Variants in EREG observed in about 807,000 individuals in gnomAD.
EREG encodes the protein epiregulin, also known as proepiregulin.
EREG carries 23 observed loss-of-function variants against 22.4 expected under a neutral mutation model. The observed-to-expected ratio is 1.03, with a 90% CI of 0.74 to 1.46. EREG has a LOEUF of 1.46. Ranked by LOEUF, EREG falls within the 40% of genes most tolerant of loss-of-function variation. The probability of loss-of-function intolerance (pLI) is 0.00; values close to 1 mark genes in which losing one functional copy is unlikely to be tolerated. For synonymous variants in EREG, 100 were observed against 75.4 expected, an observed-to-expected ratio of 1.33 and a Z score of -1.69; for missense variants, 226 against 205.9, an observed-to-expected ratio of 1.10 and a Z score of -0.60.
chr4:74,365,514 G>C, intron 1 of EREG, 139 bp downstream of exon 1: 1 of 327,450 alleles, frequency 3.1e-6, no homozygotes, highest in Non-Finnish European at 5.7e-6. Flanking sequence ...CTTGTTTTGT[G>C]AGTCTGTCTT....
At chr4:74,368,042 A>G (rs1305500707) in intron 1 of EREG, among the ~76,000 whole-genome samples, 3 of 152,224 alleles carry the variant, frequency 2.0e-5, no homozygotes, top group African/African-American at 7.2e-5. Context: ...AGACTCAGAG[A>G]TAGTAAATGG....
chr4:74,367,762 A>G (rs939430497), intron 1 of EREG, among the ~76,000 whole-genome samples: 2 of 152,188 alleles, frequency 1.3e-5, no homozygotes, highest in Admixed American at 6.5e-5. Context: ...AGAAAACGTG[A>G]TGACAGGCCT....
intron 1 of EREG, among the ~76,000 whole-genome samples, chr4:74,378,732 A>G (rs1443919591): frequency 1.3e-5 from 2 of 152,208 alleles, no homozygotes; most frequent in Non-Finnish European, 2.9e-5. Context: ...TTCCTACACA[A>G]TTCAGAAAGT....
chr4:74,379,609 A>T, intron 2 of EREG, 75 bp downstream of exon 2: 2 of 875,110 alleles, frequency 2.3e-6, no homozygotes, highest in Non-Finnish European at 3.8e-6. Flanking sequence ...AAAGACTATA[A>T]GTATGTGATA....
chr4:74,375,485 ATT>A (rs34399498), intron 1 of EREG, among the ~76,000 whole-genome samples: 5,291 of 133,124 alleles, frequency 0.04, 269 homozygotes, highest in African/African-American at 0.12. Flanking sequence ...TGCCTGGCTA[ATT>A]TTTTTTTTTT....
chr4:74,368,427 C>T (rs1752227166), intron 1 of EREG, among the ~76,000 whole-genome samples: 1 of 151,990 alleles, frequency 6.6e-6, no homozygotes, highest in Admixed American at 6.6e-5. Flanking sequence ...AAGAGGGTAA[C>T]TTATGTCTGT....
intron 3 of EREG, 62 bp downstream of exon 3, chr4:74,381,199 C>G: frequency 3.4e-6 from 5 of 1,460,854 alleles, no homozygotes; most frequent in Non-Finnish European, 3.8e-6. Context: ...TTTAGGGGTA[C>G]AAGTGCAGAT....
chr4:74,371,242 T>C (rs941775556), intron 1 of EREG, among the ~76,000 whole-genome samples: 6 of 152,150 alleles, frequency 3.9e-5, no homozygotes, highest in Non-Finnish European at 8.8e-5. Context: ...ACTTCACAGT[T>C]TGGAAAATTA....
At chr4:74,374,416 T>A (rs1044883008) in intron 1 of EREG, among the ~76,000 whole-genome samples, 2 of 152,142 alleles carry the variant, frequency 1.3e-5, no homozygotes, top group Non-Finnish European at 2.9e-5. Flanking sequence ...CTCAAGCCTG[T>A]AATCCTAGCA....
At chr4:74,384,358 G>T (rs1295488646) in intron 4 of EREG, among the ~76,000 whole-genome samples, 6 of 152,094 alleles carry the variant, frequency 3.9e-5, no homozygotes, top group Admixed American at 1.3e-4. Flanking sequence ...AATGTAGCAT[G>T]ATTTGTAAAT....
At chr4:74,373,991 G>A (rs1752338181) in intron 1 of EREG, among the ~76,000 whole-genome samples, 1 of 152,092 alleles carries the variant, frequency 6.6e-6, no homozygotes, top group Non-Finnish European at 1.5e-5. Flanking sequence ...TTACGTTATA[G>A]ACAAATTCTA....
At chr4:74,368,826 A>T (rs1394318503) in intron 1 of EREG, among the ~76,000 whole-genome samples, 1 of 152,166 alleles carries the variant, frequency 6.6e-6, no homozygotes, top group African/African-American at 2.4e-5. Flanking sequence ...GACAATGAGA[A>T]CACTTCCCAG....
At chr4:74,370,015 G>A (rs555274907) in intron 1 of EREG, among the ~76,000 whole-genome samples, 60 of 152,076 alleles carry the variant, frequency 3.9e-4, no homozygotes, top group Non-Finnish European at 6.0e-4. Flanking sequence ...TATTGTTCCC[G>A]TTTTACAAAT....
At chr4:74,374,533 G>A (rs1471844845) in intron 1 of EREG, among the ~76,000 whole-genome samples, 2 of 152,056 alleles carry the variant, frequency 1.3e-5, no homozygotes, top group East Asian at 1.9e-4. Flanking sequence ...TAAGAGCCTC[G>A]AAAAACAAAA....
rs140712325 is a variant in EREG, at chr4:74,383,212, G to C, written c.428+418G>C. 1.4e-3 allele frequency among the ~76,000 whole-genome samples: 214 copies of C among 152,198 alleles called. 3 individuals are homozygous for C. The East Asian group carries it at 0.036, about 25-fold the overall frequency. On this transcript the variant is annotated intron_variant, in intron 4 of 4. Transcript: ENST00000244869. ...GGACAGAAATTATTATCTTACATTA[G>C]TTATAGGGTGGTTGCTTTTAGTATG...
At chr4:74,368,196 T>A (rs1454705956) in intron 1 of EREG, among the ~76,000 whole-genome samples, 1 of 152,188 alleles carries the variant, frequency 6.6e-6, no homozygotes, top group African/African-American at 2.4e-5. Flanking sequence ...GCACAGCACA[T>A]GTACAAATGG....
chr4:74,374,440 A>G (rs1752343995), intron 1 of EREG, among the ~76,000 whole-genome samples: 1 of 152,148 alleles, frequency 6.6e-6, no homozygotes, highest in African/African-American at 2.4e-5. Context: ...TTGGAGGCCA[A>G]CATGGGAGGA....
intron 1 of EREG, 68 bp downstream of exon 1, chr4:74,365,443 T>G: frequency 6.9e-7 from 1 of 1,446,006 alleles, no homozygotes; most frequent in South Asian, 1.2e-5. Context: ...TCCTGTGCAT[T>G]TGTCATTCGA....
Position 74,377,353 on chromosome 4 carries a change from C to A in EREG, c.68-2095C>A, listed in dbSNP as rs368904442. Among the ~76,000 whole-genome samples, 18 of 152,248 alleles carry A rather than the reference C, an allele frequency of 1.2e-4. No individual in the cohort carries two copies. The East Asian group carries it at 3.3e-3, about 28-fold the overall frequency. ...GTTAAATACTCTACTTCAATTACAGCTATCATAATTTGTTCTCTGTGATGT... is the reference window on the plus strand; with the variant it reads ...GTTAAATACTCTACTTCAATTACAGATATCATAATTTGTTCTCTGTGATGT... On this transcript the variant is annotated intron_variant, in intron 1 of 4. Coordinates refer to ENST00000244869, the MANE Select transcript of EREG (RefSeq NM_001432.3).
Sources: allele counts gnomAD v4.1 joint callset (sites outside exome capture counted in the v4.1 genomes callset), GRCh38; gene constraint gnomAD v4.1.1; transcripts MANE v1.5; gene names NCBI Gene and HGNC (gene_info 2026-07-23, HGNC 2026-07-21).